Variants in KCNN1 observed in about 807,000 individuals in gnomAD.
KCNN1 encodes small conductance calcium-activated potassium channel protein 1.
Under a neutral mutation model 44.7 loss-of-function variants are expected in KCNN1, and 20 were observed. That is an observed-to-expected ratio of 0.45 (90% CI 0.32 to 0.65). KCNN1 has a LOEUF of 0.65. Ranked by LOEUF, KCNN1 falls within the 30% of genes least tolerant of loss-of-function variation. The pLI is 0.05. For missense variants in KCNN1, 632 were observed against 785.3 expected, an observed-to-expected ratio of 0.80 and a Z score of 2.33; for synonymous variants, 324 against 341.7, an observed-to-expected ratio of 0.95 and a Z score of 0.57.
chr19:17,977,655 C>T (rs570532803), intron 3 of KCNN1, among the ~76,000 whole-genome samples: 15 of 152,142 alleles, frequency 9.9e-5, no homozygotes, highest in African/African-American at 2.9e-4. Flanking sequence ...TGGCCTGATT[C>T]CAGCTTAACT....
At chr19:17,962,846 A>G (rs1568445859), upstream of KCNN1, among the ~76,000 whole-genome samples, 1 of 150,158 alleles carries the variant, frequency 6.7e-6, no homozygotes, top group Admixed American at 6.7e-5. Flanking sequence ...AGGTGGGATT[A>G]CAGCGCCACC....
intron 9 of KCNN1, among the ~76,000 whole-genome samples, chr19:17,997,475 C>T (rs773876408): frequency 1.3e-5 from 2 of 152,182 alleles, no homozygotes; most frequent in Non-Finnish European, 2.9e-5. Context: ...TAGGCCTTTC[C>T]CAGGCCTGCC....
rs1482702747 is a variant in KCNN1, at chr19:17,999,385, T to A, written c.*979T>A. On this transcript the variant is annotated 3_prime_UTR_variant, in exon 10 of 10. Transcript: ENST00000684775. ...GCCTGGGCAACATGGTGAAACCCTG[T>A]CTCTACTAAAAATATAAAAATTAGC... 6.6e-6 allele frequency: 1 copy of A among 152,624 alleles called. No individual in the cohort carries two copies. Among genetic ancestry groups the A allele is most frequent in the Non-Finnish European group, 1.5e-5 (1 of 68,360 alleles). The allele number at this position is 152,624 out of a possible 1,614,324, so 9.5% of individuals were successfully genotyped here.
In KCNN1 at chr19:17,989,727, C is replaced by G. The variant is rs377567043; in HGVS notation, c.1182C>G (p.Ala394=). The G allele has an allele frequency of 4.2e-5, 67 of 1,613,798 alleles. No homozygotes were observed. The East Asian group carries it at 1.4e-3, about 34-fold the overall frequency. ...DTQLTKRVKN[A]AANVLRETWL... ...TTTTCTGGCCCCAGGTAAAAAACGC[C>G]GCTGCTAACGTTCTCAGGGAGACGT... The change falls in exon 7 of 10, where the codon GCC becomes GCG. Residue 394 remains alanine (A), a synonymous_variant. Transcript: ENST00000684775.
At chr19:17,976,421 C>CT (rs139307020) in intron 3 of KCNN1, among the ~76,000 whole-genome samples, 158 of 144,930 alleles carry the variant, frequency 1.1e-3, no homozygotes, top group African/African-American at 1.7e-3. Flanking sequence ...ATTATTCAAC[C>CT]TTTTTTTTTT....
In KCNN1 at chr19:17,973,894, C is replaced by T. The variant is rs1284888358; in HGVS notation, c.6C>T (p.Asn2=). ...ACCCCTGCACCCAGGTAGTCATGAA[C>T]AGCCACAGCTACAATGGCAGCGTGG... M[N]SHSYNGSVGR... Residue 2 remains asparagine (N), a synonymous_variant, in exon 2 of 10, where the codon AAC becomes AAT. Coordinates refer to ENST00000684775, the MANE Select transcript of KCNN1 (RefSeq NM_001386974.1). The T allele has an allele frequency of 2.6e-6, 4 of 1,552,454 alleles. No individual in the cohort carries two copies. In the South Asian group the frequency reaches 3.5e-5, roughly 14 times the overall value.
chr19:17,957,161 AAGGAGAGGAGAGGGG>A (rs1188353725), intron 2 of KCNN1, among the ~76,000 whole-genome samples: 54 of 105,440 alleles, frequency 5.1e-4, no homozygotes, highest in African/African-American at 1.9e-3. Context: ...GAGAGAAAAA[AAGGAGAGGAGAGGGG>A]AGGAGAGGAG....
At chr19:17,962,864 G>A (rs1326029381), upstream of KCNN1, among the ~76,000 whole-genome samples, 1 of 151,382 alleles carries the variant, frequency 6.6e-6, no homozygotes, top group African/African-American at 2.4e-5. Context: ...ACCACGCCTG[G>A]CTAATTTTTT....
At chr19:17,986,548 GCTTT>G (rs2032604078) in intron 5 of KCNN1, among the ~76,000 whole-genome samples, 1 of 152,146 alleles carries the variant, frequency 6.6e-6, no homozygotes, top group Non-Finnish European at 1.5e-5. Context: ...CACACTCACT[GCTTT>G]CTCTTTTCCC....
intron 5 of KCNN1, among the ~76,000 whole-genome samples, chr19:17,988,201 G>A (rs2095629607): frequency 6.6e-6 from 1 of 150,764 alleles, no homozygotes; most frequent in East Asian, 2.0e-4. Context: ...TCCTGGAGTT[G>A]TTGGGGGTCG....
At chr19:17,969,116 C>G (rs1466348461) in intron 1 of KCNN1, among the ~76,000 whole-genome samples, 1 of 152,076 alleles carries the variant, frequency 6.6e-6, no homozygotes. Context: ...GTCCCAGGGA[C>G]TCCAGTGTTA....
chr19:17,971,311 G>A (rs1348238568), intron 1 of KCNN1, among the ~76,000 whole-genome samples: 1 of 152,156 alleles, frequency 6.6e-6, no homozygotes, highest in East Asian at 1.9e-4. Context: ...GCACATGGGG[G>A]ACCCCTAGTG....
At chr19:17,969,950 C>T (rs529854045) in intron 1 of KCNN1, among the ~76,000 whole-genome samples, 4 of 152,320 alleles carry the variant, frequency 2.6e-5, no homozygotes, top group Non-Finnish European at 4.4e-5. Flanking sequence ...GTTTGAGCCT[C>T]GGAGCAGAAG....
intron 7 of KCNN1, among the ~76,000 whole-genome samples, chr19:17,992,290 T>A (rs2032821256): frequency 6.6e-6 from 1 of 151,692 alleles, no homozygotes; most frequent in African/African-American, 2.4e-5. Context: ...TTTGAGACAG[T>A]CCCCTGGACT....
chr19:17,971,684 G>A (rs146803328), intron 1 of KCNN1, among the ~76,000 whole-genome samples: 6,733 of 150,538 alleles, frequency 0.045, 227 homozygotes, highest in Middle Eastern at 0.094. Flanking sequence ...GGCTGGTCTC[G>A]AACTCCTGAC....
At chr19:17,986,302 G>A (rs1463305120) in intron 5 of KCNN1, among the ~76,000 whole-genome samples, 6 of 151,834 alleles carry the variant, frequency 4.0e-5, no homozygotes, top group Non-Finnish European at 8.8e-5. Flanking sequence ...GGCAGAGGTT[G>A]TGGTGAGCGG....
intron 7 of KCNN1, among the ~76,000 whole-genome samples, chr19:17,992,755 C>T (rs117603625): frequency 2.6e-5 from 4 of 152,326 alleles, no homozygotes; most frequent in Non-Finnish European, 5.9e-5. Context: ...TGGGCAGTGG[C>T]TTTACCCCTC....
At chr19:17,982,842 G>A (rs964697670) in intron 4 of KCNN1, among the ~76,000 whole-genome samples, 1 of 152,092 alleles carries the variant, frequency 6.6e-6, no homozygotes, top group South Asian at 2.1e-4. Context: ...TTGGGCAGCT[G>A]ACCCCTGGGA....
chr19:17,967,205 G>C lies in KCNN1; in HGVS notation c.-194G>C. On this transcript the variant is annotated 5_prime_UTR_variant, in exon 1 of 10. Coordinates refer to ENST00000684775, the MANE Select transcript of KCNN1 (RefSeq NM_001386974.1). Reference sequence around the variant, plus strand: ...CCGCCCCCGGGCCCCGCGCCCGCTCGCTGCTGCCCGCCCCGTCCGCGACCC... The same window carrying C: ...CCGCCCCCGGGCCCCGCGCCCGCTCCCTGCTGCCCGCCCCGTCCGCGACCC... 1.2e-5 allele frequency: 11 copies of C among 948,060 alleles called. No homozygotes were observed. Among genetic ancestry groups the C allele is most frequent in the Non-Finnish European group, 1.4e-5 (11 of 798,238 alleles). 58.7% of individuals were successfully genotyped at this position (948,060 alleles called of 1,614,324 possible). A position where few individuals can be genotyped will look rare whatever the true frequency, so the allele number is the denominator to read the frequency against.
Sources: gnomAD v4.1 joint callset for allele counts (sites outside exome capture counted in the v4.1 genomes callset) on GRCh38, gnomAD v4.1.1 for gene constraint, MANE v1.5 for transcripts, NCBI Gene and HGNC (gene_info 2026-07-23, HGNC 2026-07-21) for gene names.